Variants in TSHZ3 observed in about 807,000 individuals in gnomAD.
TSHZ3 encodes the protein teashirt homolog 3.
Under a neutral mutation model 64.5 loss-of-function variants are expected in TSHZ3, and 10 were observed. That is an observed-to-expected ratio of 0.16 (90% CI 0.10 to 0.26). TSHZ3 has a LOEUF of 0.26. TSHZ3 is among the 10% of genes least tolerant of loss of function. The pLI, the probability that TSHZ3 is intolerant of heterozygous loss-of-function variation, is 1.00. For synonymous variants in TSHZ3, 608 were observed against 593.1 expected, an observed-to-expected ratio of 1.03 and a Z score of -0.36; for missense variants, 1,242 against 1,421.7, an observed-to-expected ratio of 0.87 and a Z score of 2.03.
At chr19:31,318,338 G>A (rs184393591) in intron 1 of TSHZ3, among the ~76,000 whole-genome samples, 2,107 of 152,060 alleles carry the variant, frequency 0.014, 25 homozygotes, top group Non-Finnish European at 0.02. Flanking sequence ...AATGCAGATC[G>A]GAACGCAAAG....
chr19:31,244,160 T>C (rs942820458), intron 1 of TSHZ3, among the ~76,000 whole-genome samples: 2 of 152,178 alleles, frequency 1.3e-5, no homozygotes, highest in African/African-American at 4.8e-5. Context: ...CATGTCAAAT[T>C]GTAATGCCCA....
chr19:31,150,989 A>T (rs1309586643), exon 7 of TSHZ3, among the ~76,000 whole-genome samples: 1 of 152,182 alleles, frequency 6.6e-6, no homozygotes, highest in Non-Finnish European at 1.5e-5. Context: ...GCTTCTGAAG[A>T]TCTTCTGGGA....
chr19:31,271,735 C>T (rs946780405), downstream of TSHZ3, among the ~76,000 whole-genome samples: 6 of 152,188 alleles, frequency 3.9e-5, no homozygotes, highest in African/African-American at 1.2e-4. Flanking sequence ...TATGTTCAGG[C>T]TGCCTTTGCC....
chr19:31,150,233 C>T (rs1974221574), exon 7 of TSHZ3, among the ~76,000 whole-genome samples: 1 of 152,216 alleles, frequency 6.6e-6, no homozygotes, highest in South Asian at 2.1e-4. Flanking sequence ...CCTCCATGCT[C>T]TGAAGTCAGC....
chr19:31,158,248 A>C (rs1974330809), intron 5 of TSHZ3, among the ~76,000 whole-genome samples: 1 of 152,194 alleles, frequency 6.6e-6, no homozygotes, highest in Non-Finnish European at 1.5e-5. Flanking sequence ...TGTAAAACAC[A>C]CACCGGATCT....
intron 1 of TSHZ3, among the ~76,000 whole-genome samples, chr19:31,303,170 T>C (rs936672287): frequency 5.9e-5 from 9 of 151,982 alleles, no homozygotes; most frequent in Non-Finnish European, 1.2e-4. Flanking sequence ...GGCTAATGGG[T>C]GGGGTTGACA....
intron 1 of TSHZ3, 106 bp downstream of exon 1, chr19:31,349,074 T>C (rs1045177242): frequency 2.1e-6 from 3 of 1,414,414 alleles, no homozygotes; most frequent in Admixed American, 2.2e-5. Flanking sequence ...AGTTACTCAG[T>C]GCGGGCAGAA....
intron 1 of TSHZ3, among the ~76,000 whole-genome samples, chr19:31,330,200 T>C (rs1447932621): frequency 6.6e-6 from 1 of 152,102 alleles, no homozygotes; most frequent in African/African-American, 2.4e-5. Context: ...CTGCCTTCCG[T>C]GATACTTTTA....
chr19:31,206,909 C>T (rs1163847189), intron 4 of TSHZ3, among the ~76,000 whole-genome samples: 1 of 152,114 alleles, frequency 6.6e-6, no homozygotes. Context: ...GCAATCTGCC[C>T]CAACTTTCTA....
At chr19:31,209,765 T>C (rs1267620290) in intron 4 of TSHZ3, among the ~76,000 whole-genome samples, 3 of 152,002 alleles carry the variant, frequency 2.0e-5, no homozygotes, top group Admixed American at 6.6e-5. Context: ...GTGGGAATGG[T>C]GTTTGTCAGC....
intron 1 of TSHZ3, among the ~76,000 whole-genome samples, chr19:31,325,798 G>T (rs1043334641): frequency 6.6e-6 from 1 of 152,200 alleles, no homozygotes; most frequent in East Asian, 1.9e-4. Context: ...CCATGCAGAG[G>T]GTAACTCATT....
At chr19:31,331,541 G>A (rs956118285) in intron 1 of TSHZ3, among the ~76,000 whole-genome samples, 2 of 152,098 alleles carry the variant, frequency 1.3e-5, no homozygotes, top group Admixed American at 6.5e-5. Context: ...ACTGCAGCTC[G>A]ACCCTGCTTG....
chr19:31,276,403 T>C lies in TSHZ3; in HGVS notation c.*144A>G, dbSNP rs556129735. 23 of 766,016 alleles carry C rather than the reference T, an allele frequency of 3.0e-5. No individual in the cohort carries two copies. The Admixed American group carries it at 3.9e-4, about 13-fold the overall frequency. 47.5% of individuals were successfully genotyped at this position (766,016 alleles called of 1,614,324 possible). On this transcript the variant is annotated 3_prime_UTR_variant, in exon 2 of 2. Transcript: ENST00000240587. Reference sequence around the variant, plus strand: ...TGCACCTCTATTAAACACTGTACAGTTATACAAAACAGTCCAGCCCAGAGT... The same window carrying C: ...TGCACCTCTATTAAACACTGTACAGCTATACAAAACAGTCCAGCCCAGAGT...
chr19:31,278,609 T>A lies in TSHZ3; in HGVS notation c.1184A>T (p.His395Leu). 1.2e-6 allele frequency: 2 copies of A among 1,614,156 alleles called. No individual in the cohort carries two copies. The highest frequency in any genetic ancestry group is 8.5e-7 in the Non-Finnish European group (1 of 1,180,020). The change falls in exon 2 of 2, where the codon CAT becomes CTT. Residue 395 changes from histidine (H) to leucine (L), a missense_variant. His to Leu is a moderately conservative substitution (Grantham distance 99, BLOSUM62 -3). Around this residue, in one of 4 missense-constraint regions of TSHZ3, gnomAD observed 555 missense variants for 704.0 expected, o/e 0.79. Transcript: ENST00000240587. This position sits in a 1 kb window ranked among gnomAD's most constrained non-coding sequence, Gnocchi z 4.7. ...GGCAGTGAGCTCCTGCAGGGTGTCA[T>A]GCGAGCTCCCACACTCCATGCACTT... ...ILKCMECGSS[H>L]DTLQELTAHM...
chr19:31,177,782 T>C (rs1185592691), intron 5 of TSHZ3, among the ~76,000 whole-genome samples: 1 of 152,216 alleles, frequency 6.6e-6, no homozygotes, highest in Non-Finnish European at 1.5e-5. Context: ...GGCAGGAATA[T>C]TCTCTTTTGA....
chr19:31,182,526 A>C (rs1251205708), intron 5 of TSHZ3, among the ~76,000 whole-genome samples: 6 of 152,096 alleles, frequency 3.9e-5, no homozygotes, highest in African/African-American at 1.4e-4. Context: ...CTGAGGACCG[A>C]CCCTAAACTC....
At chr19:31,246,554 G>T (rs1016691420) in intron 1 of TSHZ3, among the ~76,000 whole-genome samples, 10 of 152,124 alleles carry the variant, frequency 6.6e-5, no homozygotes, top group African/African-American at 2.4e-4. Flanking sequence ...GCCCTAAGGT[G>T]CTGGATTGAA....
chr19:31,154,543 A>C (rs1333920882), intron 6 of TSHZ3, among the ~76,000 whole-genome samples: 2 of 152,188 alleles, frequency 1.3e-5, no homozygotes, highest in African/African-American at 4.8e-5. Flanking sequence ...CCATGCAGAC[A>C]CTTTGAAGGG....
rs751948298 is a variant in TSHZ3, at chr19:31,278,407, G to A, written c.1386C>T (p.Ile462=). ...TGACCTCCACATTCAGTTTTGGGGA[G>A]ATGCTGGCAGGTGTATTGGAGGGGG... ...FTSPSNTPAS[I]SPKLNVEVKK... Residue 462 remains isoleucine (I), a synonymous_variant, in exon 2 of 2, where the codon ATC becomes ATT. Coordinates refer to ENST00000240587, the MANE Select transcript of TSHZ3 (RefSeq NM_020856.4). This position sits in a 1 kb window ranked among gnomAD's most constrained non-coding sequence, Gnocchi z 4.7. 1 of 1,614,150 alleles carries A rather than the reference G, an allele frequency of 6.2e-7. No individual in the cohort carries two copies. The highest frequency in any genetic ancestry group is 1.7e-5 in the Admixed American group (1 of 60,022).
Sources: gnomAD v4.1 joint callset for allele counts (sites outside exome capture counted in the v4.1 genomes callset) on GRCh38, gnomAD v4.1.1 for gene constraint, gnomAD v4.1.1 regional missense constraint, Gnocchi (gnomAD v3.1) non-coding constraint, MANE v1.5 for transcripts, NCBI Gene and HGNC (gene_info 2026-07-23, HGNC 2026-07-21) for gene names.